Variants in MAST4 observed in about 807,000 individuals in gnomAD.
MAST4 encodes the protein microtubule-associated serine/threonine-protein kinase 4.
MAST4 carries 89 observed loss-of-function variants against 162.7 expected under a neutral mutation model. The ratio of observed to expected loss-of-function variants is 0.55; its 90% CI spans 0.46 to 0.65. MAST4 has a LOEUF of 0.65. Among genes scored for constraint, MAST4 ranks in the 30% least tolerant of loss-of-function variants. The pLI is 0.00. For missense variants in MAST4, 3,153 were observed against 3,374.0 expected (o/e 0.93, Z 1.62); for synonymous variants, 1,479 against 1,361.1 (o/e 1.09, Z -1.91).
chr5:66,991,245 A>G (rs2150279456), intron 4 of MAST4, among the ~76,000 whole-genome samples: 1 of 152,300 alleles, frequency 6.6e-6, no homozygotes. Context: ...AAAATTCAGT[A>G]GTTTTGGTAT....
At chr5:67,004,587 C>G (rs754897724) in intron 4 of MAST4, 6 of 168,802 alleles carry the variant, frequency 3.6e-5, no homozygotes, top group African/African-American at 7.1e-5. Flanking sequence ...TCGTCTCCCC[C>G]GCCCCTCGCA....
intron 6 of MAST4, among the ~76,000 whole-genome samples, chr5:67,094,529 G>A (rs1764217371): frequency 6.6e-6 from 1 of 152,070 alleles, no homozygotes; most frequent in Non-Finnish European, 1.5e-5. Context: ...ACCTAAAAAT[G>A]CAATGTTGCT....
At chr5:66,845,421 A>T (rs1423138346) in intron 3 of MAST4, among the ~76,000 whole-genome samples, 1 of 151,824 alleles carries the variant, frequency 6.6e-6, no homozygotes, top group Non-Finnish European at 1.5e-5. Flanking sequence ...TTCCAGCTTC[A>T]TGTCGCTACA....
At chr5:66,911,647 G>C (rs1352461602) in intron 4 of MAST4, among the ~76,000 whole-genome samples, 1 of 149,016 alleles carries the variant, frequency 6.7e-6, no homozygotes, top group Non-Finnish European at 1.5e-5. Context: ...GAGGCTGGAG[G>C]ATTGCTTGAA....
intron 4 of MAST4, among the ~76,000 whole-genome samples, chr5:66,907,606 G>A (rs905503471): frequency 1.2e-3 from 174 of 150,472 alleles, no homozygotes; most frequent in African/African-American, 3.5e-3. Context: ...GTGTGTGTGT[G>A]TGTGTGTGTG....
At chr5:66,922,982 A>G (rs1445181806) in intron 4 of MAST4, among the ~76,000 whole-genome samples, 1 of 152,218 alleles carries the variant, frequency 6.6e-6, no homozygotes, top group South Asian at 2.1e-4. Flanking sequence ...ACCGTGGAGC[A>G]TAAGATCACA....
intron 4 of MAST4, among the ~76,000 whole-genome samples, chr5:66,966,076 C>A (rs1746689723): frequency 6.6e-6 from 1 of 152,186 alleles, no homozygotes; most frequent in Non-Finnish European, 1.5e-5. Context: ...ATCCACCCAA[C>A]ACTACGTGAG....
intron 4 of MAST4, among the ~76,000 whole-genome samples, chr5:66,957,669 A>C (rs1158356501): frequency 6.6e-6 from 1 of 152,184 alleles, no homozygotes; most frequent in Non-Finnish European, 1.5e-5. Context: ...CCCCAGAGCA[A>C]GTTGATAGTT....
intron 19 of MAST4, among the ~76,000 whole-genome samples, chr5:67,139,195 C>A (rs116162344): frequency 1.7e-3 from 257 of 152,290 alleles, no homozygotes; most frequent in African/African-American, 5.9e-3. Context: ...CTGAGAATCC[C>A]GCAGGCCTGC....
chr5:66,877,930 C>T (rs971404628), intron 3 of MAST4, among the ~76,000 whole-genome samples: 5 of 152,288 alleles, frequency 3.3e-5, no homozygotes, highest in East Asian at 3.9e-4. Context: ...AGGTATCAGG[C>T]GTTCCTAAGG....
At chr5:67,134,715 G>C in intron 18 of MAST4, 27 bp downstream of exon 18, 2 of 1,580,562 alleles carry the variant, frequency 1.3e-6, no homozygotes, top group Non-Finnish European at 1.7e-6. Flanking sequence ...GTTATCTTTA[G>C]GTCACTGTTG....
chr5:67,130,121 A>T (rs1768782708), intron 14 of MAST4, 89 bp from the exon 15 acceptor site: 2 of 1,254,620 alleles, frequency 1.6e-6, no homozygotes, highest in Middle Eastern at 3.9e-4. Context: ...AACTTTTAAA[A>T]AGTTGATGAT....
At chr5:66,959,388 G>A in intron 4 of MAST4, 1 of 757,818 alleles carries the variant, frequency 1.3e-6, no homozygotes, top group Non-Finnish European at 2.5e-6. Flanking sequence ...TGTACTGACA[G>A]CCTCAGAGCA....
intron 3 of MAST4, among the ~76,000 whole-genome samples, chr5:66,850,640 A>C (rs1759237452): frequency 6.6e-6 from 1 of 152,312 alleles, no homozygotes; most frequent in Non-Finnish European, 1.5e-5. Flanking sequence ...ATATGTGTAT[A>C]AGGTGTGTAA....
chr5:67,133,583 C>T lies in MAST4; in HGVS notation c.2163C>T (p.Ser721=). ...GATTATCTAAGGTGGGACTAATGAG[C>T]ATGACTACCAACCTTTACGAGGGTC... ...DFGLSKVGLM[S]MTTNLYEGHI... Residue 721 remains serine, a synonymous_variant, in exon 17 of 29, where the codon AGC becomes AGT. Coordinates refer to ENST00000403625, the MANE Select transcript of MAST4 (RefSeq NM_001164664.2). 6.2e-7 allele frequency: 1 copy of T among 1,613,464 alleles called. No homozygotes were observed. The highest frequency in any genetic ancestry group is 8.5e-7 in the Non-Finnish European group (1 of 1,179,496).
At chr5:66,644,695 C>T (rs1745706878) in intron 1 of MAST4, among the ~76,000 whole-genome samples, 1 of 151,200 alleles carries the variant, frequency 6.6e-6, no homozygotes, top group Admixed American at 6.6e-5. Flanking sequence ...ACCATGAGGG[C>T]ACAGTTCTGA....
intron 1 of MAST4, among the ~76,000 whole-genome samples, chr5:66,603,353 T>C (rs1025440628): frequency 5.3e-5 from 8 of 152,308 alleles, no homozygotes; most frequent in Admixed American, 5.2e-4. Context: ...CAAGATTTTA[T>C]GAACATGTAA....
intron 3 of MAST4, among the ~76,000 whole-genome samples, chr5:66,825,686 C>G (rs749713194): frequency 2.8e-4 from 42 of 152,004 alleles, no homozygotes; most frequent in Non-Finnish European, 5.3e-4. Flanking sequence ...ATTACAGTGA[C>G]CATGGATTTT....
intron 1 of MAST4, among the ~76,000 whole-genome samples, chr5:66,625,041 T>G (rs1017491138): frequency 2.0e-5 from 3 of 152,210 alleles, no homozygotes; most frequent in African/African-American, 7.2e-5. Context: ...GAAGTGTTAT[T>G]TTTTTGTACA....
Sources: gnomAD v4.1 joint callset for allele counts (sites outside exome capture counted in the v4.1 genomes callset) on GRCh38, gnomAD v4.1.1 for gene constraint, MANE v1.5 for transcripts, NCBI Gene and HGNC (gene_info 2026-07-23, HGNC 2026-07-21) for gene names.